ATP2B1: variants seen among roughly 807,000 people sequenced by gnomAD.
ATP2B1 encodes the protein ATPase plasma membrane Ca2+ transporting 1.
A neutral mutation model predicts 124.2 loss-of-function variants in ATP2B1; 14 were observed. The observed-to-expected ratio is 0.11, with a 90% CI of 0.07 to 0.18. ATP2B1 has a LOEUF of 0.18. Ranked by LOEUF, ATP2B1 falls within the 10% of genes least tolerant of loss-of-function variation. The probability of loss-of-function intolerance (pLI) is 1.00; values close to 1 mark genes in which losing one functional copy is unlikely to be tolerated. For missense variants in ATP2B1, 763 were observed against 1,466.1 expected, an observed-to-expected ratio of 0.52 and a Z score of 7.83; for synonymous variants, 449 against 492.4, an observed-to-expected ratio of 0.91 and a Z score of 1.17.
At chr12:89,664,780 T>C (rs975139800) in intron 1 of ATP2B1, among the ~76,000 whole-genome samples, 3 of 152,198 alleles carry the variant, frequency 2.0e-5, no homozygotes, top group African/African-American at 7.2e-5. Flanking sequence ...AACTGCTGGA[T>C]TGTCACCTTG....
chr12:89,656,739 C>T (rs2136368735), intron 1 of ATP2B1, among the ~76,000 whole-genome samples: 1 of 152,316 alleles, frequency 6.6e-6, no homozygotes, highest in East Asian at 1.9e-4. Flanking sequence ...TGATTTGTCA[C>T]ATGTTACCAC....
chr12:89,596,012 C>T (rs1379573046), intron 20 of ATP2B1, among the ~76,000 whole-genome samples: 1 of 151,880 alleles, frequency 6.6e-6, no homozygotes, highest in African/African-American at 2.4e-5. Context: ...AAAAAAGAGC[C>T]TGGGATGGAA....
Position 89,610,063 on chromosome 12 carries a change from T to G in ATP2B1, c.2336-20A>C. On this transcript the variant is annotated intron_variant, in intron 14 of 20. Coordinates refer to ENST00000428670, the MANE Select transcript of ATP2B1 (RefSeq NM_001366521.1). ...TTATACCTTAAATACAAGCAAATAT[T>G]TGTGTTATAAAAACATTACTCTTTA... is the stretch of plus-strand genomic sequence containing the variant. 1.9e-6 allele frequency: 3 copies of G among 1,594,466 alleles called. No homozygotes were observed. The highest frequency in any genetic ancestry group is 2.2e-5 in the South Asian group (2 of 89,778).
intron 7 of ATP2B1, 147 bp downstream of exon 7, chr12:89,627,531 C>T: frequency 1.3e-6 from 1 of 778,858 alleles, no homozygotes; most frequent in Non-Finnish European, 2.1e-6. Context: ...GACTAAGACA[C>T]CGGCAGGAAG....
chr12:89,632,054 A>G (rs746597408), intron 5 of ATP2B1, among the ~76,000 whole-genome samples: 1 of 152,178 alleles, frequency 6.6e-6, no homozygotes, highest in African/African-American at 2.4e-5. Context: ...CGACTTGTAC[A>G]TCCACATCTC....
At chr12:89,684,199 A>T (rs185009229) in intron 1 of ATP2B1, among the ~76,000 whole-genome samples, 1 of 152,354 alleles carries the variant, frequency 6.6e-6, no homozygotes, top group African/African-American at 2.4e-5. Flanking sequence ...TACTTACAAA[A>T]AGAGCAGGGA....
At chr12:89,619,618 T>TAAAAAAAAAAAAA (rs367554417) in intron 11 of ATP2B1, among the ~76,000 whole-genome samples, 4 of 123,026 alleles carry the variant, frequency 3.3e-5, no homozygotes, top group Admixed American at 8.2e-5. Flanking sequence ...CTTAAACAAA[T>TAAAAAAAAAAAAA]AAAAAAAAAA....
At chr12:89,681,584 T>C (rs998453348) in intron 1 of ATP2B1, among the ~76,000 whole-genome samples, 4 of 152,064 alleles carry the variant, frequency 2.6e-5, no homozygotes, top group African/African-American at 9.7e-5. Flanking sequence ...CACTGACATC[T>C]AAACCTAATA....
chr12:89,653,289 T>C (rs886356361), intron 2 of ATP2B1, among the ~76,000 whole-genome samples: 120 of 134,906 alleles, frequency 8.9e-4, no homozygotes, highest in Non-Finnish European at 1.5e-3. Flanking sequence ...TTTTCTTTTT[T>C]TTTTTTTTTT....
At chr12:89,684,710 C>A (rs531115949) in intron 1 of ATP2B1, among the ~76,000 whole-genome samples, 1 of 152,138 alleles carries the variant, frequency 6.6e-6, no homozygotes, top group Non-Finnish European at 1.5e-5. Flanking sequence ...TTTATGTTTA[C>A]TGTCTAAAAC....
intron 5 of ATP2B1, 56 bp downstream of exon 5, chr12:89,634,721 CA>C: frequency 6.8e-7 from 1 of 1,465,846 alleles, no homozygotes; most frequent in Non-Finnish European, 9.2e-7. Flanking sequence ...TGTTTGCTGA[CA>C]ATGGTACATA....
At chr12:89,622,862 A>C (rs1304686319) in intron 9 of ATP2B1, among the ~76,000 whole-genome samples, 1 of 152,196 alleles carries the variant, frequency 6.6e-6, no homozygotes, top group Admixed American at 6.5e-5. Context: ...TTTTCTATTC[A>C]AAAAGCATAA....
At chr12:89,667,916 ATC>A (rs1423077161) in intron 1 of ATP2B1, among the ~76,000 whole-genome samples, 1 of 152,214 alleles carries the variant, frequency 6.6e-6, no homozygotes, top group African/African-American at 2.4e-5. Flanking sequence ...CCAAAAAAGA[ATC>A]TGAATAGCCA....
intron 1 of ATP2B1, among the ~76,000 whole-genome samples, chr12:89,695,138 A>T (rs1366338866): frequency 6.6e-6 from 1 of 152,102 alleles, no homozygotes; most frequent in Non-Finnish European, 1.5e-5. Flanking sequence ...TTGACAGCAG[A>T]TTCTAGAACG....
rs199748844 is a variant in ATP2B1, at chr12:89,598,120, AACTTGTCTTCAGGC to A, written c.3351+983_3351+996del. 4.6e-3 allele frequency among the ~76,000 whole-genome samples: 693 copies of A among 151,766 alleles called. 14 individuals are homozygous for A. The highest frequency in any genetic ancestry group is 0.034 in the East Asian group (175 of 5,138). ...CAAGCAACTGGCTATACATACTGAA[AACTTGTCTTCAGGC>A]TACTAACTTACTTTCCAAATTGGAC... On this transcript the variant is annotated intron_variant, in intron 20 of 20. Transcript: ENST00000428670.
intron 1 of ATP2B1, among the ~76,000 whole-genome samples, chr12:89,694,869 C>A (rs536901214): frequency 5.9e-5 from 9 of 152,090 alleles, no homozygotes; most frequent in African/African-American, 2.2e-4. Flanking sequence ...CCAGCCTGGG[C>A]AACATGGCGA....
chr12:89,655,386 C>G (rs1299062783), intron 2 of ATP2B1, among the ~76,000 whole-genome samples: 1 of 152,130 alleles, frequency 6.6e-6, no homozygotes, highest in African/African-American at 2.4e-5. Flanking sequence ...GTTCCATCCT[C>G]TATAGCTCAA....
intron 9 of ATP2B1, among the ~76,000 whole-genome samples, chr12:89,623,319 G>T (rs1168731178): frequency 7.4e-6 from 1 of 134,964 alleles, no homozygotes; most frequent in South Asian, 2.4e-4. Flanking sequence ...AGATCATTTT[G>T]AAAAAAAAAA....
chr12:89,645,253 T>C (rs1385797324), intron 2 of ATP2B1, among the ~76,000 whole-genome samples: 3 of 152,228 alleles, frequency 2.0e-5, no homozygotes, highest in South Asian at 2.1e-4. Flanking sequence ...CTGAACACTA[T>C]AGTTATTAAT....
Sources: allele counts gnomAD v4.1 joint callset (sites outside exome capture counted in the v4.1 genomes callset), GRCh38; gene constraint gnomAD v4.1.1; transcripts MANE v1.5; gene names NCBI Gene and HGNC (gene_info 2026-07-23, HGNC 2026-07-21).